Variants in SLC14A2 observed in about 807,000 individuals in gnomAD.
SLC14A2 encodes urea transporter 2.
SLC14A2 carries 91 observed loss-of-function variants against 104.6 expected under a neutral mutation model. The ratio of observed to expected loss-of-function variants is 0.87; its 90% CI spans 0.73 to 1.04. The LOEUF (loss-of-function observed/expected upper bound fraction) is 1.04, where lower values mean the gene tolerates loss of function less well. Ranked by LOEUF, SLC14A2 falls within the 50% of genes least tolerant of loss-of-function variation. The pLI is 0.00. For synonymous variants in SLC14A2, 476 were observed against 466.4 expected (o/e 1.02, Z -0.27); for missense variants, 1,189 against 1,156.0 (o/e 1.03, Z -0.41).
intron 1 of SLC14A2, among the ~76,000 whole-genome samples, chr18:45,425,965 C>G (rs988862613): frequency 1.3e-5 from 2 of 150,580 alleles, no homozygotes; most frequent in African/African-American, 4.9e-5. Context: ...ACCTGGGATA[C>G]TCTCTGGAAG....
At chr18:45,485,395 T>C (rs1405066571) in intron 2 of SLC14A2, 1 of 152,260 alleles carries the variant, frequency 6.6e-6, no homozygotes, top group Admixed American at 6.5e-5. Flanking sequence ...TACATGCTAC[T>C]GACCTCAGGT....
intron 1 of SLC14A2, among the ~76,000 whole-genome samples, chr18:45,380,445 G>A (rs55881137): frequency 9.4e-4 from 143 of 152,262 alleles, no homozygotes; most frequent in African/African-American, 3.3e-3. Flanking sequence ...ATATGGGGAA[G>A]GGTCTAAGGA....
At position 45,342,477 on chromosome 18, in the gene SLC14A2, G is replaced by A. The variant is rs184364020; in HGVS notation, c.-125+129286G>A. On this transcript the variant is annotated intron_variant, in intron 1 of 20. Transcript: ENST00000586448. ...AAGTCAAGGGCAGAGACGTGAACAC[G>A]GGCCAGTCCATGCTGGGACTTGGAG... Among the ~76,000 whole-genome samples the A allele has an allele frequency of 2.7e-3, 407 of 152,294 alleles. 1 individual carries two copies. The highest frequency in any genetic ancestry group is 8.7e-3 in the African/African-American group (363 of 41,564).
intron 1 of SLC14A2, among the ~76,000 whole-genome samples, chr18:45,258,158 C>T (rs1466602930): frequency 9.7e-6 from 1 of 102,806 alleles, no homozygotes; most frequent in Non-Finnish European, 2.1e-5. Flanking sequence ...TTTCCAAGGT[C>T]ACCTGTTGTT....
the SLC14A2 span, among the ~76,000 whole-genome samples, chr18:45,184,915 T>C: frequency 6.6e-6 from 1 of 152,198 alleles, no homozygotes; most frequent in African/African-American, 2.4e-5. Context: ...GTTCCTCTCA[T>C]GTTGGGAAAA....
intron 1 of SLC14A2, among the ~76,000 whole-genome samples, chr18:45,262,589 A>G (rs1312834178): frequency 6.6e-6 from 1 of 152,200 alleles, no homozygotes; most frequent in African/African-American, 2.4e-5. Flanking sequence ...TTTCAAGGTC[A>G]TACCACTCTA....
intron 2 of SLC14A2, among the ~76,000 whole-genome samples, chr18:45,484,898 T>C (rs980097648): frequency 1.3e-5 from 2 of 152,174 alleles, no homozygotes; most frequent in Admixed American, 6.5e-5. Context: ...TCTCAACACA[T>C]GGGTGGCTTT....
At chr18:45,400,004 C>T (rs2086078316) in intron 1 of SLC14A2, among the ~76,000 whole-genome samples, 1 of 152,096 alleles carries the variant, frequency 6.6e-6, no homozygotes, top group Non-Finnish European at 1.5e-5. Flanking sequence ...ATTTGTGTTC[C>T]AGGGAGCTTG....
intron 2 of SLC14A2, among the ~76,000 whole-genome samples, chr18:45,530,848 A>C (rs1217431273): frequency 4.1e-5 from 6 of 145,484 alleles, no homozygotes; most frequent in African/African-American, 5.1e-5. Flanking sequence ...ATCCCTCCCC[A>C]CTCCCCCCAC....
chr18:45,414,757 A>AAAAAAAAATATATATATATATATAT (rs1360051908), intron 1 of SLC14A2, among the ~76,000 whole-genome samples: 1 of 76,124 alleles, frequency 1.3e-5, no homozygotes, highest in African/African-American at 7.7e-5. Context: ...AAAAAAAAAA[A>AAAAAAAAATATATATATATATATAT]ATATATATAT....
chr18:45,231,572 G>C (rs187015234), intron 1 of SLC14A2, among the ~76,000 whole-genome samples: 1 of 152,098 alleles, frequency 6.6e-6, no homozygotes, highest in Non-Finnish European at 1.5e-5. Context: ...AAAACCCTTC[G>C]TTGTCTCCAG....
intron 1 of SLC14A2, among the ~76,000 whole-genome samples, chr18:45,392,158 C>G (rs1464987102): frequency 6.6e-6 from 1 of 152,190 alleles, no homozygotes; most frequent in Non-Finnish European, 1.5e-5. Flanking sequence ...GCATTACCTC[C>G]TTGGAGTGGG....
intron 1 of SLC14A2, among the ~76,000 whole-genome samples, chr18:45,235,857 ATATATGTGTGTATATATG>A (rs1308417047): frequency 7.9e-6 from 1 of 126,488 alleles, no homozygotes; most frequent in Admixed American, 8.1e-5. Context: ...GTATATATAC[ATATATGTGTGTATATATG>A]TATATATACA....
intron 1 of SLC14A2, among the ~76,000 whole-genome samples, chr18:45,325,225 A>C (rs1199081496): frequency 6.6e-6 from 1 of 152,218 alleles, no homozygotes; most frequent in Non-Finnish European, 1.5e-5. Context: ...TCAGCTTCTG[A>C]GGAATGGGTG....
At chr18:45,538,655 C>T (rs1484761385) in intron 2 of SLC14A2, among the ~76,000 whole-genome samples, 1 of 152,110 alleles carries the variant, frequency 6.6e-6, no homozygotes, top group Non-Finnish European at 1.5e-5. Context: ...TTTTTTATAA[C>T]CTAATCTCAG....
At chr18:45,352,118 C>T (rs2085509401) in intron 1 of SLC14A2, among the ~76,000 whole-genome samples, 1 of 152,094 alleles carries the variant, frequency 6.6e-6, no homozygotes, top group Non-Finnish European at 1.5e-5. Context: ...CGCCTTCAAA[C>T]CTCAGGTTCT....
Position 45,256,208 on chromosome 18 carries a change from C to G in SLC14A2, c.-125+43017C>G, listed in dbSNP as rs373022598. ...ACGGTAGAGGAAAGAGGAGAAAACT[C>G]TTACTGAAGTATTTGGATTGTTGTT... On this transcript the variant is annotated intron_variant, in intron 1 of 20. Transcript: ENST00000586448. Among the ~76,000 whole-genome samples the G allele has an allele frequency of 1.3e-4, 20 of 151,944 alleles. No homozygotes were observed. In the East Asian group the frequency reaches 2.9e-3, roughly 22 times the overall value.
At chr18:45,311,210 G>C (rs998992933) in intron 1 of SLC14A2, among the ~76,000 whole-genome samples, 8 of 152,196 alleles carry the variant, frequency 5.3e-5, no homozygotes, top group Non-Finnish European at 7.3e-5. Flanking sequence ...AAAGCTGAAG[G>C]GAAAAGTCAG....
At chr18:45,292,987 G>T (rs575741765) in intron 1 of SLC14A2, among the ~76,000 whole-genome samples, 1 of 151,680 alleles carries the variant, frequency 6.6e-6, no homozygotes, top group South Asian at 2.1e-4. Flanking sequence ...GCTTGACACC[G>T]CCCCTGCCCC....
Sources: gnomAD v4.1 joint callset for allele counts (sites outside exome capture counted in the v4.1 genomes callset) on GRCh38, gnomAD v4.1.1 for gene constraint, MANE v1.5 for transcripts, NCBI Gene and HGNC (gene_info 2026-07-23, HGNC 2026-07-21) for gene names.